NID1: variants seen among roughly 807,000 people sequenced by gnomAD.
The protein encoded by NID1 is nidogen-1.
In NID1, 76 loss-of-function variants were observed where a neutral mutation model predicts 130.6. The ratio of observed to expected loss-of-function variants is 0.58; its 90% CI spans 0.48 to 0.70. NID1 has a LOEUF of 0.70. NID1 is among the 30% of genes least tolerant of loss of function. The pLI is 0.00. For synonymous variants in NID1, 665 were observed against 675.1 expected (o/e 0.98, Z 0.23); for missense variants, 1,517 against 1,664.8 (o/e 0.91, Z 1.54).
chr1:235,982,124 C>T (rs993791110), intron 15 of NID1, among the ~76,000 whole-genome samples: 1 of 152,164 alleles, frequency 6.6e-6, no homozygotes, highest in African/African-American at 2.4e-5. Context: ...GAACCCCAGC[C>T]TGGGGAGAAC....
At position 235,976,659 on chromosome 1, in the gene NID1, A is replaced by C. The variant is rs1268937685; in HGVS notation, c.*1208T>G. On this transcript the variant is annotated 3_prime_UTR_variant, in exon 20 of 20. Coordinates refer to ENST00000264187, the MANE Select transcript of NID1 (RefSeq NM_002508.3). The stretch of plus-strand genomic sequence containing the variant: ...TATGGTCAGGAGATGTTTTCTAAAC[A>C]AATTGTAGAAATATAAACATGAAAT... 1 of 152,240 alleles carries C rather than the reference A, an allele frequency of 6.6e-6. No individual in the cohort carries two copies. The highest frequency in any genetic ancestry group is 1.9e-4 in the East Asian group (1 of 5,206). 9.4% of individuals were successfully genotyped at this position (152,240 alleles called of 1,614,324 possible). A position where few individuals can be genotyped will look rare whatever the true frequency, so the allele number is the denominator to read the frequency against.
intron 3 of NID1, 83 bp from the exon 4 acceptor site, chr1:236,042,375 A>T: frequency 6.6e-7 from 1 of 1,520,232 alleles, no homozygotes; most frequent in Non-Finnish European, 8.8e-7. Context: ...AGCCCTGAGG[A>T]TCTGTGTTGG....
chr1:236,018,052 T>C (rs73115237), intron 9 of NID1, among the ~76,000 whole-genome samples: 3,103 of 152,352 alleles, frequency 0.02, 93 homozygotes, highest in African/African-American at 0.068. Flanking sequence ...AATTTTTGAA[T>C]ATTATCTAGG....
Position 236,029,671 on chromosome 1 carries a change from G to A in NID1, c.1617C>T (p.Gly539=), listed in dbSNP as rs1659040953. ...TGGTCAGGTGCCCATGCTCATCGATGCCGCTGAACCGCTGCTTAATGACCA... is the reference window on the plus strand; with the variant it reads ...TGGTCAGGTGCCCATGCTCATCGATACCGCTGAACCGCTGCTTAATGACCA... ...GNLVIKQRFS[G]IDEHGHLTID... Residue 539 remains glycine (G), a synonymous_variant, in exon 7 of 20, where the codon GGC becomes GGT. Transcript: ENST00000264187. 3.7e-6 allele frequency: 6 copies of A among 1,614,008 alleles called. No homozygotes were observed. Among genetic ancestry groups the A allele is most frequent in the Non-Finnish European group, 5.1e-6 (6 of 1,180,022 alleles).
chr1:235,996,751 T>A (rs1328041205), intron 12 of NID1, among the ~76,000 whole-genome samples: 1 of 151,634 alleles, frequency 6.6e-6, no homozygotes, highest in Non-Finnish European at 1.5e-5. Flanking sequence ...CCACTTCATG[T>A]ATTTTTTTAA....
intron 19 of NID1, among the ~76,000 whole-genome samples, chr1:235,978,652 A>G (rs902786509): frequency 5.3e-5 from 8 of 152,194 alleles, no homozygotes; most frequent in Admixed American, 2.6e-4. Context: ...AATTCTTATT[A>G]TTAATTATTG....
At chr1:236,039,110 C>T (rs981916249) in intron 4 of NID1, among the ~76,000 whole-genome samples, 2 of 139,688 alleles carry the variant, frequency 1.4e-5, no homozygotes, top group African/African-American at 5.3e-5. Context: ...TATATATTTA[C>T]ATTATATTAC....
chr1:236,055,930 A>AT lies in NID1; in HGVS notation c.226-6942dup, dbSNP rs1227446020. Among the ~76,000 whole-genome samples the AT allele has an allele frequency of 2.0e-5, 3 of 152,226 alleles. No homozygotes were observed. The South Asian group carries it at 6.2e-4, about 32-fold the overall frequency. ...CACAATCAAGTTGGTTAGCAAAGCTATTACAGATAGCCGTGATAGATCAAC... is the reference window on the plus strand; with the variant it reads ...CACAATCAAGTTGGTTAGCAAAGCTATTTACAGATAGCCGTGATAGATCAAC... On this transcript the variant is annotated intron_variant, in intron 1 of 19. Transcript: ENST00000264187.
chr1:235,996,997 G>A (rs746306570), intron 12 of NID1, among the ~76,000 whole-genome samples: 1 of 152,098 alleles, frequency 6.6e-6, no homozygotes, highest in Non-Finnish European at 1.5e-5. Context: ...ACCATGCCCG[G>A]CTAATTTTGT....
rs369607940 is a variant in NID1, at chr1:235,977,942, G to A, written c.3669C>T (p.Cys1223=). 1 of 1,614,006 alleles carries A rather than the reference G, an allele frequency of 6.2e-7. No homozygotes were observed. Among genetic ancestry groups the A allele is most frequent in the Non-Finnish European group, 8.5e-7 (1 of 1,180,004 alleles). Residue 1223 remains cysteine (C), a synonymous_variant, in exon 20 of 20, where the codon TGC becomes TGT. Coordinates refer to ENST00000264187, the MANE Select transcript of NID1 (RefSeq NM_002508.3). The part of the protein sequence containing the change: ...SVNNGGCTHL[C]LATPGSRTCR... ...AGGTCCTGCTCCCTGGGGTGGCCAA[G>A]CATAGGTGGGTGCAGCCGCCATTGT...
rs759787113 is a variant in NID1, at chr1:235,985,724, T to TTGTGTG, written c.2929-225_2929-220dup. Among the ~76,000 whole-genome samples the TTGTGTG allele has an allele frequency of 4.8e-3, 705 of 147,666 alleles. 7 individuals are homozygous for TTGTGTG. The highest frequency in any genetic ancestry group is 0.017 in the African/African-American group (682 of 40,090). On this transcript the variant is annotated intron_variant, in intron 14 of 19. Transcript: ENST00000264187. The stretch of plus-strand genomic sequence containing the variant: ...TATGCACATCTATATGTATAGGAAT[T>TTGTGTG]TGTGTGTGTGTGTGTGTGTGTGTGT...
In NID1 at chr1:235,977,990, T is replaced by A. The variant is rs1321845435; in HGVS notation, c.3623-2A>T. On this transcript the variant is annotated splice_acceptor_variant, in intron 19 of 19. Coordinates refer to ENST00000264187, the MANE Select transcript of NID1 (RefSeq NM_002508.3). LOFTEE classifies it high-confidence loss of function. Reference sequence around the variant, plus strand: ...TGTTCACTGAGCAGTAGTTATGGCCTGGAAAAGGCAGAAATCAGTTCAATA... The same window carrying A: ...TGTTCACTGAGCAGTAGTTATGGCCAGGAAAAGGCAGAAATCAGTTCAATA... 1.2e-6 allele frequency: 2 copies of A among 1,613,758 alleles called. No individual in the cohort carries two copies. The highest frequency in any genetic ancestry group is 2.2e-5 in the South Asian group (2 of 91,042).
At position 235,977,594 on chromosome 1, in the gene NID1, T is replaced by G; in HGVS notation, c.*273A>C. 1 of 385,172 alleles carries G rather than the reference T, an allele frequency of 2.6e-6. No homozygotes were observed. 23.9% of individuals were successfully genotyped at this position (385,172 alleles called of 1,614,324 possible). On this transcript the variant is annotated 3_prime_UTR_variant, in exon 20 of 20. Coordinates refer to ENST00000264187, the MANE Select transcript of NID1 (RefSeq NM_002508.3). ...AGGTCCTAGGACACTGGGATGGGCA[T>G]GTAATCCTCACTCAGGGGTGTATAA...
Position 235,979,810 on chromosome 1 carries a change from C to G in NID1, c.3509+12G>C. The G allele has an allele frequency of 6.2e-7, 1 of 1,613,126 alleles. No homozygotes were observed. Among genetic ancestry groups the G allele is most frequent in the Non-Finnish European group, 8.5e-7 (1 of 1,179,378 alleles). ...CAGGCCCACGCAGCCCCCATGGCTA[C>G]AGCTGACGTACATCTTCCAGTCTGT... On this transcript the variant is annotated intron_variant, in intron 18 of 19. Transcript: ENST00000264187. This position sits in a 1 kb window ranked among gnomAD's most constrained non-coding sequence, Gnocchi z 4.6.
intron 9 of NID1, among the ~76,000 whole-genome samples, chr1:236,020,493 C>T (rs982310987): frequency 1.3e-5 from 2 of 152,252 alleles, no homozygotes; most frequent in African/African-American, 2.4e-5. Context: ...TGAGAAACAG[C>T]GGGAGCCATC....
At chr1:235,994,882 A>G (rs983597096) in intron 12 of NID1, among the ~76,000 whole-genome samples, 5 of 152,116 alleles carry the variant, frequency 3.3e-5, no homozygotes, top group Non-Finnish European at 7.4e-5. Flanking sequence ...TTTTTAGTAG[A>G]GACGGGGTTT....
At chr1:235,989,035 C>G (rs541785979) in intron 14 of NID1, among the ~76,000 whole-genome samples, 2 of 151,328 alleles carry the variant, frequency 1.3e-5, no homozygotes, top group South Asian at 4.2e-4. Context: ...TTCAGCATTC[C>G]CCCTTCCACC....
chr1:235,981,521 C>A, intron 16 of NID1, 90 bp downstream of exon 16: 1 of 1,385,740 alleles, frequency 7.2e-7, no homozygotes, highest in Middle Eastern at 1.9e-4. Flanking sequence ...TTCAGGAGAC[C>A]AATGCTGGAG....
chr1:236,003,870 AAAC>A lies in NID1; in HGVS notation c.2527+8048_2527+8050del, dbSNP rs574322205. Among the ~76,000 whole-genome samples the A allele has an allele frequency of 3.5e-3, 527 of 151,910 alleles. 3 individuals carry two copies. Among genetic ancestry groups the A allele is most frequent in the African/African-American group, 0.012 (494 of 41,430 alleles). On this transcript the variant is annotated intron_variant, in intron 12 of 19. Coordinates refer to ENST00000264187, the MANE Select transcript of NID1 (RefSeq NM_002508.3). ...GGGCAACAGAGTGAGATCCTGTCCC[AAAC>A]AACAACAACAATAGCCAAGCGTGGT...
Sources: allele counts gnomAD v4.1 joint callset (sites outside exome capture counted in the v4.1 genomes callset), GRCh38; gene constraint gnomAD v4.1.1; non-coding constraint Gnocchi (gnomAD v3.1); transcripts MANE v1.5; gene names NCBI Gene and HGNC (gene_info 2026-07-23, HGNC 2026-07-21).